ATG16L2: variants seen among roughly 807,000 people sequenced by gnomAD.
The protein encoded by ATG16L2 is autophagy related 16 like 2.
In ATG16L2, 77 loss-of-function variants were observed where a neutral mutation model predicts 84.7. The observed-to-expected ratio is 0.91, with a 90% CI of 0.76 to 1.10. The LOEUF (loss-of-function observed/expected upper bound fraction) is 1.10. Ranked by LOEUF, ATG16L2 falls within the 50% of genes least tolerant of loss-of-function variation. The pLI, the probability that ATG16L2 is intolerant of heterozygous loss-of-function variation, is 0.00. For missense variants in ATG16L2, 782 were observed against 817.6 expected (o/e 0.96, Z 0.53); for synonymous variants, 361 against 342.8 (o/e 1.05, Z -0.59).
downstream of ATG16L2, among the ~76,000 whole-genome samples, chr11:72,831,419 TCA>T (rs1860603214): frequency 2.0e-5 from 3 of 152,190 alleles, no homozygotes; most frequent in South Asian, 6.2e-4. Context: ...GGCAGGAGAA[TCA>T]CGGAACCCAG....
Position 72,824,140 on chromosome 11 carries a change from TGTGTGTGCACCCACGTGTGTGTCG to T in ATG16L2, c.887+20_887+43del. On this transcript the variant is annotated intron_variant, in intron 8 of 17. Coordinates refer to ENST00000321297, the MANE Select transcript of ATG16L2 (RefSeq NM_033388.2). Reference sequence around the variant, plus strand: ...CTTCTGGAGTAAGTGTGTGTGTGCCTGTGTGTGCACCCACGTGTGTGTCGGGCTCCCCAGCCCAGGCTTGGTCTG... The same window carrying T: ...CTTCTGGAGTAAGTGTGTGTGTGCCTGGCTCCCCAGCCCAGGCTTGGTCTG... 4 of 1,614,062 alleles carry T rather than the reference TGTGTGTGCACCCACGTGTGTGTCG, an allele frequency of 2.5e-6. No individual in the cohort carries two copies. Among genetic ancestry groups the T allele is most frequent in the African/African-American group, 1.3e-5 (1 of 75,050 alleles).
At position 72,825,436 on chromosome 11, in the gene ATG16L2, T is replaced by C. The variant is rs750994935; in HGVS notation, c.1102+29T>C. ...AGGAGCCCTCCCCTGCCGGCCAACT[T>C]GGTGCTTCTCTCCAGACCCTCTCCT... On this transcript the variant is annotated intron_variant, in intron 10 of 17. Transcript: ENST00000321297. 5 of 1,576,008 alleles carry C rather than the reference T, an allele frequency of 3.2e-6. No individual in the cohort carries two copies. In the South Asian group the frequency reaches 5.5e-5, roughly 17 times the overall value.
exon 6 of ATG16L2, chr11:72,842,703 C>T (rs147782509): frequency 3.6e-5 from 58 of 1,613,900 alleles, no homozygotes; most frequent in Non-Finnish European, 4.5e-5. Flanking sequence ...AACTCCAATA[C>T]GCCCATTGAA....
chr11:72,824,552 C>T, intron 8 of ATG16L2, 182 bp from the exon 9 acceptor site: 2 of 619,276 alleles, frequency 3.2e-6, no homozygotes, highest in Non-Finnish European at 5.8e-6. Flanking sequence ...GCTCCCCACC[C>T]CGTCTCCACA....
intron 1 of ATG16L2, among the ~76,000 whole-genome samples, chr11:72,815,176 T>C (rs1020165136): frequency 1.3e-5 from 2 of 152,220 alleles, no homozygotes; most frequent in African/African-American, 2.4e-5. Context: ...GAATTGTTTC[T>C]GGGCAGCTGG....
downstream of ATG16L2, among the ~76,000 whole-genome samples, chr11:72,831,937 C>A (rs377168281): frequency 6.6e-6 from 1 of 152,204 alleles, no homozygotes. Context: ...GGGGCATGCC[C>A]CCTCCCCCAG....
chr11:72,826,519 G>A lies in ATG16L2; in HGVS notation c.1175G>A (p.Gly392Asp), dbSNP rs763616318. 6.2e-7 allele frequency: 1 copy of A among 1,614,072 alleles called. No homozygotes were observed. The highest frequency in any genetic ancestry group is 1.7e-5 in the Admixed American group (1 of 60,016). ...TCACTTCCTCTCCCATTTCTCCAGG[G>A]CTACCAGGTTTTAGCAGCAACTTAC... ...SITSVDFDPS[G>D]YQVLAATYNQ... is the part of the protein sequence containing the mutation. The change falls in exon 12 of 18, where the codon GGC (glycine) becomes GAC (aspartate). Residue 392 changes from glycine (G) to aspartate (D), a missense_variant and splice_region_variant. Coordinates refer to ENST00000321297, the MANE Select transcript of ATG16L2 (RefSeq NM_033388.2).
At chr11:72,817,259 G>T (rs1859750429) in intron 2 of ATG16L2, among the ~76,000 whole-genome samples, 1 of 151,084 alleles carries the variant, frequency 6.6e-6, no homozygotes, top group Admixed American at 6.6e-5. Flanking sequence ...TTTTTGAGAC[G>T]GAGTCTGGCT....
At chr11:72,832,680 C>T (rs766394206), downstream of ATG16L2, among the ~76,000 whole-genome samples, 3 of 152,184 alleles carry the variant, frequency 2.0e-5, no homozygotes, top group Non-Finnish European at 2.9e-5. Context: ...TGGAGTGGCC[C>T]GCACTCATGG....
At chr11:72,821,812 CG>C in intron 4 of ATG16L2, 71 bp downstream of exon 4, 6 of 1,498,976 alleles carry the variant, frequency 4.0e-6, no homozygotes, top group South Asian at 1.2e-5. Flanking sequence ...ATACGGGAGG[CG>C]GGGGGAATGG....
intron 5 of ATG16L2, among the ~76,000 whole-genome samples, chr11:72,841,280 G>A (rs1162689083): frequency 1.4e-5 from 2 of 138,664 alleles, no homozygotes; most frequent in African/African-American, 2.7e-5. Context: ...GCTATGAGCC[G>A]TGATCATGCC....
chr11:72,831,550 G>T (rs1266589489), downstream of ATG16L2, among the ~76,000 whole-genome samples: 1 of 152,146 alleles, frequency 6.6e-6, no homozygotes, highest in African/African-American at 2.4e-5. Context: ...CCAGTCTAAC[G>T]GTCTAAGAGC....
rs35868740 is a variant in ATG16L2, at chr11:72,819,814, C to T, written c.319-1854C>T. Among the ~76,000 whole-genome samples, 461 of 152,052 alleles carry T rather than the reference C, an allele frequency of 3.0e-3. 1 individual carries two copies. The highest frequency in any genetic ancestry group is 5.5e-3 in the Non-Finnish European group (377 of 67,972). On this transcript the variant is annotated intron_variant, in intron 3 of 17. Transcript: ENST00000321297. The stretch of plus-strand genomic sequence containing the variant: ...AGGCTGGAGTACAGTCGCGTCATCT[C>T]GGCTCGCTGCAACCTCAGCCTCCCG...
chr11:72,816,895 C>A (rs1372362127), intron 2 of ATG16L2, 68 bp downstream of exon 2: 71 of 1,134,730 alleles, frequency 6.3e-5, no homozygotes, highest in African/African-American at 8.0e-5. Context: ...GCTGCCTGTG[C>A]TGGGTTCATT....
At chr11:72,825,926 C>T (rs970820293) in intron 10 of ATG16L2, among the ~76,000 whole-genome samples, 8 of 152,128 alleles carry the variant, frequency 5.3e-5, no homozygotes, top group African/African-American at 1.9e-4. Flanking sequence ...TCTACATAGT[C>T]CCTTCTCCCT....
rs1860032964 is a variant in ATG16L2 at position 72,822,133 on chromosome 11, C to T, written c.482C>T (p.Ala161Val). ...QQVEEWRAQN[A>V]VQRAAYEALR... ...GTGGAGGAGTGGCGGGCGCAGAATGCGGTGCAGCGGGCAGCCTACGAGGCG... is the reference window on the plus strand; with the variant it reads ...GTGGAGGAGTGGCGGGCGCAGAATGTGGTGCAGCGGGCAGCCTACGAGGCG... The change falls in exon 5 of 18, where the codon GCG (alanine) becomes GTG (valine). Residue 161 changes from alanine to valine, a missense_variant. Physicochemically the swap from Ala to Val is moderately conservative, Grantham distance 64. Transcript: ENST00000321297. The surrounding 1 kb of genome is among the most constrained non-coding windows in gnomAD (Gnocchi z 4.2). The T allele has an allele frequency of 2.7e-6, 4 of 1,501,258 alleles. No individual in the cohort carries two copies. Among genetic ancestry groups the T allele is most frequent in the Non-Finnish European group, 2.6e-6 (3 of 1,134,882 alleles). 93.0% of individuals were successfully genotyped at this position (1,501,258 alleles called of 1,614,324 possible).
At chr11:72,835,212 G>C (rs1452974947) in intron 5 of ATG16L2, among the ~76,000 whole-genome samples, 3 of 152,260 alleles carry the variant, frequency 2.0e-5, no homozygotes, top group Non-Finnish European at 4.4e-5. Flanking sequence ...AGGGAAGTCA[G>C]AAGACGGAAA....
chr11:72,836,568 C>T (rs1259204394), intron 5 of ATG16L2, among the ~76,000 whole-genome samples: 1 of 152,112 alleles, frequency 6.6e-6, no homozygotes, highest in Non-Finnish European at 1.5e-5. Flanking sequence ...CAGGATATTA[C>T]ACCTAGCACA....
In ATG16L2 at chr11:72,824,791, C is replaced by T; in HGVS notation, c.945C>T (p.Ile315=). ...IGGAPEQRYQ[I]IPVCVAARLP... ...GAGCCCCTGAGCAGCGATACCAGATCATCCCTGTGTGTGTGGCTGCCCGAC... is the reference window on the plus strand; with the variant it reads ...GAGCCCCTGAGCAGCGATACCAGATTATCCCTGTGTGTGTGGCTGCCCGAC... Residue 315 remains isoleucine (I), a synonymous_variant, in exon 9 of 18, where the codon ATC becomes ATT. Coordinates refer to ENST00000321297, the MANE Select transcript of ATG16L2 (RefSeq NM_033388.2). 6.2e-7 allele frequency: 1 copy of T among 1,611,206 alleles called. No individual in the cohort carries two copies. The highest frequency in any genetic ancestry group is 2.2e-5 in the East Asian group (1 of 44,832).
Sources: gnomAD v4.1 joint callset for allele counts (sites outside exome capture counted in the v4.1 genomes callset) on GRCh38, gnomAD v4.1.1 for gene constraint, Gnocchi (gnomAD v3.1) non-coding constraint, MANE v1.5 for transcripts, NCBI Gene and HGNC (gene_info 2026-07-23, HGNC 2026-07-21) for gene names.